Variants in CARD14 observed in about 807,000 individuals in gnomAD.
CARD14 encodes caspase recruitment domain-containing protein 14.
A neutral mutation model predicts 111.5 loss-of-function variants in CARD14; 107 were observed. The observed-to-expected ratio is 0.96, with a 90% CI of 0.82 to 1.13. The LOEUF (loss-of-function observed/expected upper bound fraction) is 1.13. Ranked by LOEUF, CARD14 falls within the 50% of genes most tolerant of loss-of-function variation. The probability of loss-of-function intolerance (pLI) is 0.00; values close to 1 mark genes in which losing one functional copy is unlikely to be tolerated. For missense variants in CARD14, 1,322 were observed against 1,362.3 expected, an observed-to-expected ratio of 0.97 and a Z score of 0.47; for synonymous variants, 617 against 579.6, an observed-to-expected ratio of 1.06 and a Z score of -0.93.
chr17:80,197,658 G>T, intron 14 of CARD14: 1 of 206,238 alleles, frequency 4.8e-6, no homozygotes, highest in Non-Finnish European at 1.0e-5. Flanking sequence ...CAGAAATACA[G>T]GTCAGTGCGG....
chr17:80,188,581 G>A lies in CARD14; in HGVS notation c.843+37G>A, dbSNP rs1017397504. On this transcript the variant is annotated intron_variant, in intron 8 of 23. Coordinates refer to ENST00000648509, the MANE Select transcript of CARD14 (RefSeq NM_001366385.1). The surrounding 1 kb of genome is among the most constrained non-coding windows in gnomAD (Gnocchi z 4.5). ...TCCCCGCAGCAGAGAGCGGCCTCCT[G>A]CCTTGGGGGCTTGGCCCTCAGGCTG... is the stretch of plus-strand genomic sequence containing the variant. The A allele has an allele frequency of 7.0e-7, 1 of 1,421,688 alleles. No individual in the cohort carries two copies. 88.1% of individuals were successfully genotyped at this position (1,421,688 alleles called of 1,614,324 possible). A position where few individuals can be genotyped will look rare whatever the true frequency, so the allele number is the denominator to read the frequency against.
In CARD14 at chr17:80,182,582, G is replaced by A; in HGVS notation, c.212-71G>A. 3 of 1,582,940 alleles carry A rather than the reference G, an allele frequency of 1.9e-6. No homozygotes were observed. Among genetic ancestry groups the A allele is most frequent in the Non-Finnish European group, 2.6e-6 (3 of 1,161,642 alleles). On this transcript the variant is annotated intron_variant, in intron 5 of 23. Coordinates refer to ENST00000648509, the MANE Select transcript of CARD14 (RefSeq NM_001366385.1). This position sits in a 1 kb window ranked among gnomAD's most constrained non-coding sequence, Gnocchi z 4.7. ...CCAGCCCCAGGCCTCTCCCCCGTGG[G>A]GAAGCCAGCCAGGGAGCCCAGCCCC...
At chr17:80,192,349 C>T (rs951898623) in intron 11 of CARD14, 154 bp from the exon 12 acceptor site, 3 of 631,452 alleles carry the variant, frequency 4.8e-6, no homozygotes, top group South Asian at 2.1e-5. Context: ...GTGATGGGCT[C>T]GGAGGACAGG....
chr17:80,175,414 T>A (rs1165519285), intron 2 of CARD14, among the ~76,000 whole-genome samples: 1 of 151,850 alleles, frequency 6.6e-6, no homozygotes, highest in Non-Finnish European at 1.5e-5. Flanking sequence ...GGGAGGGAGG[T>A]ACAGGAGGCT....
intron 1 of CARD14, among the ~76,000 whole-genome samples, chr17:80,171,283 CT>C (rs1484285569): frequency 6.8e-6 from 1 of 146,062 alleles, no homozygotes; most frequent in Non-Finnish European, 1.5e-5. Flanking sequence ...TCTTTCTTTT[CT>C]TCTTTTCTTT....
In CARD14 at chr17:80,182,547, G is replaced by T. The variant is rs528692199; in HGVS notation, c.212-106G>T. 37 of 1,340,648 alleles carry T rather than the reference G, an allele frequency of 2.8e-5. No homozygotes were observed. The highest frequency in any genetic ancestry group is 3.8e-5 in the Non-Finnish European group (37 of 972,298). 83.0% of individuals were successfully genotyped at this position (1,340,648 alleles called of 1,614,324 possible). ...TTCACCTCCCGATTCTTACATGTGC[G>T]GGGGGTTTCCCAGCCCCAGGCCTCT... On this transcript the variant is annotated intron_variant, in intron 5 of 23. Coordinates refer to ENST00000648509, the MANE Select transcript of CARD14 (RefSeq NM_001366385.1). This position sits in a 1 kb window ranked among gnomAD's most constrained non-coding sequence, Gnocchi z 4.7.
chr17:80,208,221 C>T lies in CARD14; in HGVS notation c.2891C>T (p.Pro964Leu), dbSNP rs1420646646. 6.4e-7 allele frequency: 1 copy of T among 1,564,988 alleles called. No homozygotes were observed. The highest frequency in any genetic ancestry group is 1.3e-5 in the African/African-American group (1 of 74,344). The stretch of plus-strand genomic sequence containing the variant: ...GAGGAGGGAGACCTGGACCGGGCGC[C>T]CTGTCTATACAGCAGCCTGGCTCCT... ...RQEEGDLDRAPCLYSSLAPDG... is the reference protein window; with the variant it reads ...RQEEGDLDRALCLYSSLAPDG... The change falls in exon 24 of 24, where the codon CCC (proline) becomes CTC (leucine). Residue 964 changes from proline to leucine, a missense_variant. Physicochemically the swap from Pro to Leu is moderately conservative, Grantham distance 98 (BLOSUM62 -3). Coordinates refer to ENST00000648509, the MANE Select transcript of CARD14 (RefSeq NM_001366385.1).
At chr17:80,187,543 TGCCCA>T (rs2040384043) in intron 7 of CARD14, among the ~76,000 whole-genome samples, 2 of 152,218 alleles carry the variant, frequency 1.3e-5, no homozygotes, top group Admixed American at 1.3e-4. Flanking sequence ...GACGGTGACA[TGCCCA>T]GCCCAGCTGG....
chr17:80,188,047 T>C lies in CARD14; in HGVS notation c.676-330T>C. ...CAAGCAGGGAAGCCAGGGAGCATGC[T>C]GGCCATCACTGCCGGCTGCTCAGCT... On this transcript the variant is annotated intron_variant, in intron 7 of 23. Transcript: ENST00000648509. This position sits in a 1 kb window ranked among gnomAD's most constrained non-coding sequence, Gnocchi z 4.5. The C allele has an allele frequency of 3.6e-6, 3 of 829,356 alleles. No homozygotes were observed. Among genetic ancestry groups the C allele is most frequent in the Non-Finnish European group, 4.4e-6 (3 of 678,478 alleles). The allele number at this position is 829,356 out of a possible 1,614,324, so 51.4% of individuals were successfully genotyped here.
At chr17:80,180,466 A>G (rs1187294667) in intron 4 of CARD14, among the ~76,000 whole-genome samples, 1 of 150,882 alleles carries the variant, frequency 6.6e-6, no homozygotes, top group Non-Finnish European at 1.5e-5. Flanking sequence ...GCCCAGTGTC[A>G]CTCCCCAGCA....
Position 80,208,361 on chromosome 17 carries a change from C to A in CARD14, c.*16C>A. 6.4e-7 allele frequency: 1 copy of A among 1,570,674 alleles called. No homozygotes were observed. The stretch of plus-strand genomic sequence containing the variant: ...CCCCCGATGATGCACCGTGCCCCTT[C>A]CCGGGACTGTGGGGGCTTCTGTGTG... On this transcript the variant is annotated 3_prime_UTR_variant, in exon 24 of 24. Coordinates refer to ENST00000648509, the MANE Select transcript of CARD14 (RefSeq NM_001366385.1).
In CARD14 at chr17:80,205,559, C is replaced by A; in HGVS notation, c.2598C>A (p.Ala866=). ...ACTTGAGCCAGGAGGAGTATGAGGC[C>A]TGGAGCCAGAGAGGGGACATCATCC... is the stretch of plus-strand genomic sequence containing the variant. ...AEYLSQEEYE[A]WSQRGDIIQE... is the part of the protein sequence containing the mutation. Residue 866 remains alanine, a synonymous_variant, in exon 22 of 24, where the codon GCC becomes GCA. Transcript: ENST00000648509. 1 of 1,583,994 alleles carries A rather than the reference C, an allele frequency of 6.3e-7. No homozygotes were observed. The highest frequency in any genetic ancestry group is 8.6e-7 in the Non-Finnish European group (1 of 1,164,494).
intron 12 of CARD14, 147 bp downstream of exon 12, chr17:80,192,766 T>C (rs1027692397): frequency 5.2e-6 from 3 of 573,250 alleles, no homozygotes; most frequent in Middle Eastern, 4.6e-4. Flanking sequence ...TTTTATTTTA[T>C]TTTTTGAGAC....
At chr17:80,199,451 A>G (rs1456964163) in intron 16 of CARD14, among the ~76,000 whole-genome samples, 1 of 150,884 alleles carries the variant, frequency 6.6e-6, no homozygotes, top group Non-Finnish European at 1.5e-5. Context: ...ACAGTGGTAC[A>G]TGCCTGTAGT....
In CARD14 at chr17:80,201,717, A is replaced by G. The variant is rs1429063831; in HGVS notation, c.1852-27A>G. The G allele has an allele frequency of 1.2e-6, 2 of 1,613,402 alleles. No individual in the cohort carries two copies. Among genetic ancestry groups the G allele is most frequent in the South Asian group, 2.2e-5 (2 of 91,074 alleles). On this transcript the variant is annotated intron_variant, in intron 16 of 23. Coordinates refer to ENST00000648509, the MANE Select transcript of CARD14 (RefSeq NM_001366385.1). The surrounding 1 kb of genome is among the most constrained non-coding windows in gnomAD (Gnocchi z 5.0). ...CTGGATTCAGAGTCCCGGGGGAAAG[A>G]GACTGACCTTCTCGACTTGCCCTCA...
At chr17:80,194,380 T>C (rs1009194792) in intron 12 of CARD14, among the ~76,000 whole-genome samples, 10 of 152,142 alleles carry the variant, frequency 6.6e-5, no homozygotes, top group African/African-American at 2.2e-4. Context: ...GGAATACTTA[T>C]TAGTGAAAGA....
At chr17:80,171,199 C>A (rs1276763768) in intron 1 of CARD14, among the ~76,000 whole-genome samples, 1 of 99,864 alleles carries the variant, frequency 1.0e-5, no homozygotes, top group Admixed American at 1.2e-4. Context: ...CCCTCCCTCC[C>A]TCCCTCCCTT....
intron 1 of CARD14, among the ~76,000 whole-genome samples, chr17:80,170,814 CCTCCCCTCCT>C (rs1189353413): frequency 9.8e-6 from 1 of 102,474 alleles, no homozygotes; most frequent in African/African-American, 3.7e-5. Context: ...CCTCCTCTCC[CCTCCCCTCCT>C]CTCCCCTCTC....
intron 2 of CARD14, among the ~76,000 whole-genome samples, chr17:80,177,188 G>T (rs948941388): frequency 7.2e-5 from 11 of 152,168 alleles, no homozygotes; most frequent in Non-Finnish European, 5.9e-5. Context: ...GGGTGATCAT[G>T]GGGTGTCTAG....
Sources: gnomAD v4.1 joint callset for allele counts (sites outside exome capture counted in the v4.1 genomes callset) on GRCh38, gnomAD v4.1.1 for gene constraint, Gnocchi (gnomAD v3.1) non-coding constraint, MANE v1.5 for transcripts, NCBI Gene and HGNC (gene_info 2026-07-23, HGNC 2026-07-21) for gene names.